XDH: variants seen among roughly 807,000 people sequenced by gnomAD.
The protein encoded by XDH is xanthine dehydrogenase, also known as xanthine dehydrogenase/oxidase.
XDH carries 138 observed loss-of-function variants against 156.1 expected under a neutral mutation model. The ratio of observed to expected loss-of-function variants is 0.88; its 90% confidence interval spans 0.77 to 1.02. The LOEUF (loss-of-function observed/expected upper bound fraction) is 1.02, where lower values mean the gene tolerates loss of function less well. XDH is among the 50% of genes least tolerant of loss of function. The pLI, the probability that XDH is intolerant of heterozygous loss-of-function variation, is 0.00. For missense variants in XDH, 1,849 were observed against 1,684.9 expected (o/e 1.10, Z -1.71); for synonymous variants, 669 against 625.7 (o/e 1.07, Z -1.03).
chr2:31,353,404 C>T (rs572794470), intron 24 of XDH, among the ~76,000 whole-genome samples: 1 of 152,234 alleles, frequency 6.6e-6, no homozygotes, highest in Non-Finnish European at 1.5e-5. Flanking sequence ...CACTTCCATA[C>T]TTCCATTAAG....
Position 31,383,840 on chromosome 2 carries a change from C to G in XDH, c.801G>C (p.Glu267Asp). Residue 267 changes from glutamate to aspartate, a missense_variant, in exon 10 of 36, where the codon GAG becomes GAC. Glu to Asp is a conservative substitution (Grantham distance 45). Coordinates refer to ENST00000379416, the MANE Select transcript of XDH (RefSeq NM_000379.4). ...LVVGNTEIGI[E>D]MKFKNMLFPM... ...GAAACAGCATATTCTTGAACTTCAT[C>G]TCAATGCCTAGAGAGAAACAAGAAG... 6.2e-7 allele frequency: 1 copy of G among 1,613,880 alleles called. No individual in the cohort carries two copies. Among genetic ancestry groups the G allele is most frequent in the South Asian group, 1.1e-5 (1 of 90,908 alleles).
chr2:31,348,773 G>A, intron 27 of XDH, 126 bp downstream of exon 27: 3 of 849,870 alleles, frequency 3.5e-6, no homozygotes, highest in South Asian at 1.4e-5. Context: ...TTCATTTAAA[G>A]AGCAAAGAGT....
chr2:31,404,516 A>G (rs759364987), intron 2 of XDH, among the ~76,000 whole-genome samples: 13 of 152,234 alleles, frequency 8.5e-5, no homozygotes, highest in Non-Finnish European at 1.8e-4. Flanking sequence ...TTTGCATTTC[A>G]TTTAAGATGT....
At chr2:31,378,984 A>G (rs987901105) in intron 13 of XDH, among the ~76,000 whole-genome samples, 1 of 152,228 alleles carries the variant, frequency 6.6e-6, no homozygotes, top group African/African-American at 2.4e-5. Context: ...TTTAATTAGC[A>G]TTCTCATTAA....
intron 10 of XDH, 116 bp downstream of exon 10, chr2:31,383,639 A>C (rs1417387203): frequency 2.1e-6 from 2 of 943,632 alleles, no homozygotes; most frequent in Admixed American, 4.0e-5. Flanking sequence ...GAGCCCCAGG[A>C]GAAGCAGGGG....
chr2:31,381,825 G>A (rs1281508114), intron 11 of XDH, 99 bp from the exon 12 acceptor site: 9 of 1,080,794 alleles, frequency 8.3e-6, no homozygotes, highest in East Asian at 2.6e-5. Context: ...ACCTGCTGCA[G>A]GCAAACCCCT....
chr2:31,388,501 T>G (rs206847), intron 6 of XDH, among the ~76,000 whole-genome samples: 3 of 151,998 alleles, frequency 2.0e-5, no homozygotes, highest in Non-Finnish European at 2.9e-5. Flanking sequence ...AAACAACTCA[T>G]GGATAAACAA....
chr2:31,366,804 C>T (rs942542105), intron 21 of XDH, 66 bp downstream of exon 21: 4 of 1,611,674 alleles, frequency 2.5e-6, no homozygotes, highest in African/African-American at 1.3e-5. Context: ...CCACATGGCC[C>T]TCCTGGTCTG....
intron 7 of XDH, 129 bp from the exon 8 acceptor site, chr2:31,388,026 T>A (rs1312257771): frequency 8.5e-7 from 1 of 1,173,376 alleles, no homozygotes; most frequent in East Asian, 2.6e-5. Flanking sequence ...GAGCAGGTAA[T>A]CCCTGGGAGG....
Position 31,365,553 on chromosome 2 carries a change from T to C in XDH, c.2457-9A>G, listed in dbSNP as rs767838788. 5 of 1,614,136 alleles carry C rather than the reference T, an allele frequency of 3.1e-6. No homozygotes were observed. The highest frequency in any genetic ancestry group is 4.2e-6 in the Non-Finnish European group (5 of 1,180,006). On this transcript the variant is annotated splice_polypyrimidine_tract_variant and intron_variant, in intron 22 of 35. Transcript: ENST00000379416. ...GCACAGGGCGGCCGGTCCTGGGGGT[T>C]ACCGACAGTGTTAGAAGCCTGTGAG...
chr2:31,414,465 A>AGG (rs1314949130), intron 1 of XDH, among the ~76,000 whole-genome samples, 160 bp downstream of exon 1: 81 of 151,934 alleles, frequency 5.3e-4, no homozygotes, highest in African/African-American at 1.8e-3. Flanking sequence ...TTCTTCCCTA[A>AGG]TGTTACCAAA....
intron 9 of XDH, among the ~76,000 whole-genome samples, chr2:31,384,633 A>C (rs1389509126): frequency 2.0e-5 from 3 of 152,192 alleles, no homozygotes; most frequent in Non-Finnish European, 4.4e-5. Flanking sequence ...AACAGTGTAT[A>C]GATGGAAAAG....
At chr2:31,375,668 T>A in intron 14 of XDH, 114 bp from the exon 15 acceptor site, 1 of 1,293,726 alleles carries the variant, frequency 7.7e-7, no homozygotes, top group Non-Finnish European at 1.1e-6. Context: ...AAAATTTGGC[T>A]TGGATACTTA....
chr2:31,398,774 C>A (rs1686982664), intron 4 of XDH, 75 bp from the exon 5 acceptor site: 1 of 1,602,500 alleles, frequency 6.2e-7, no homozygotes, highest in Admixed American at 1.7e-5. Context: ...CGACTGGAGC[C>A]AGCACATGTT....
At position 31,397,656 on chromosome 2, in the gene XDH, G is replaced by A. The variant is rs1462946525; in HGVS notation, c.495+12C>T. The A allele has an allele frequency of 1.2e-6, 2 of 1,614,120 alleles. No homozygotes were observed. The highest frequency in any genetic ancestry group is 4.5e-5 in the East Asian group (2 of 44,880). On this transcript the variant is annotated intron_variant, in intron 6 of 35. Coordinates refer to ENST00000379416, the MANE Select transcript of XDH (RefSeq NM_000379.4). The stretch of plus-strand genomic sequence containing the variant: ...GAAGCAGAGACACTGATGTTCTGGG[G>A]TCCCCACTTACCCTGGCAAAGGTCC...
chr2:31,378,221 A>G (rs1686330139), intron 13 of XDH, among the ~76,000 whole-genome samples: 1 of 151,996 alleles, frequency 6.6e-6, no homozygotes, highest in African/African-American at 2.4e-5. Flanking sequence ...GAAAGAAAAT[A>G]TCACTATCAC....
At chr2:31,408,932 C>A (rs1421948915) in intron 1 of XDH, among the ~76,000 whole-genome samples, 1 of 152,188 alleles carries the variant, frequency 6.6e-6, no homozygotes, top group African/African-American at 2.4e-5. Context: ...GGTACACATA[C>A]ACACTGGAGT....
chr2:31,404,725 A>T (rs985342831), intron 2 of XDH, among the ~76,000 whole-genome samples: 10 of 152,008 alleles, frequency 6.6e-5, no homozygotes, highest in African/African-American at 2.4e-4. Context: ...ACCTGATCCG[A>T]TCTAGTGACA....
At chr2:31,340,480 AT>A (rs1401488770) in intron 33 of XDH, among the ~76,000 whole-genome samples, 1 of 151,284 alleles carries the variant, frequency 6.6e-6, no homozygotes, top group Admixed American at 6.6e-5. Flanking sequence ...TATTTTATTT[AT>A]TTTTTTGAGA....
Sources: allele counts gnomAD v4.1 joint callset (sites outside exome capture counted in the v4.1 genomes callset), GRCh38; gene constraint gnomAD v4.1.1; transcripts MANE v1.5; gene names NCBI Gene and HGNC (gene_info 2026-07-23, HGNC 2026-07-21).